CEP295: variants seen among roughly 807,000 people sequenced by gnomAD.
CEP295 encodes the protein centrosomal protein of 295 kDa.
CEP295 carries 190 observed loss-of-function variants against 291.6 expected under a neutral mutation model. The observed-to-expected ratio is 0.65, with a 90% confidence interval of 0.58 to 0.73. The LOEUF is 0.73. Among genes scored for constraint, CEP295 ranks in the 30% least tolerant of loss-of-function variants. The probability of loss-of-function intolerance (pLI) is 0.00; values close to 1 mark genes in which losing one functional copy is unlikely to be tolerated. For synonymous variants in CEP295, 993 were observed against 1,038.8 expected (o/e 0.96, Z 0.85); for missense variants, 2,863 against 2,949.4 (o/e 0.97, Z 0.68).
rs984065408 is a variant in CEP295 at position 93,695,637 on chromosome 11, A to G, written c.1671+3A>G. On this transcript the variant is annotated splice_donor_region_variant and intron_variant, in intron 13 of 29. Transcript: ENST00000325212. ...GAAAAAAAACTCAACCGACTGGGGT[A>G]GGATGCAGAAAATCTCATCACTACA... 4.7e-6 allele frequency: 7 copies of G among 1,488,348 alleles called. No homozygotes were observed. The highest frequency in any genetic ancestry group is 5.3e-5 in the East Asian group (2 of 37,608). The allele number at this position is 1,488,348 out of a possible 1,614,324, so 92.2% of individuals were successfully genotyped here.
chr11:93,722,031 T>C lies in CEP295; in HGVS notation c.5928T>C (p.Asp1976=). ...GCCTTTTAAGTTATGAAAACACAGA[T>C]TTGAGCCTTACAGATCCAGGTAATA... is the stretch of plus-strand genomic sequence containing the variant. ...TGSLLSYENT[D]LSLTDPESFS... is the part of the protein sequence containing the mutation. The change falls in exon 20 of 30, where the codon GAT becomes GAC. Residue 1976 remains aspartate (D), a synonymous_variant. Coordinates refer to ENST00000325212, the MANE Select transcript of CEP295 (RefSeq NM_033395.2). The C allele has an allele frequency of 6.4e-7, 1 of 1,555,592 alleles. No individual in the cohort carries two copies. The highest frequency in any genetic ancestry group is 1.9e-5 in the Admixed American group (1 of 51,408).
chr11:93,729,415 G>GC lies in CEP295; in HGVS notation c.7303-18dup. ...AAAGCGTTTAAAAAGAGTAAAACAT[G>GC]CAACTTTCTTGCCATTAGGTGAGTG... On this transcript the variant is annotated intron_variant, in intron 25 of 29. Transcript: ENST00000325212. The GC allele has an allele frequency of 2.7e-6, 4 of 1,505,734 alleles. No homozygotes were observed. The highest frequency in any genetic ancestry group is 3.6e-6 in the Non-Finnish European group (4 of 1,104,720). The allele number at this position is 1,505,734 out of a possible 1,614,324, so 93.3% of individuals were successfully genotyped here.
Position 93,729,528 on chromosome 11 carries a change from C to T in CEP295, c.7397C>T (p.Thr2466Ile), listed in dbSNP as rs1307934816. The part of the protein sequence containing the change: ...LSIEKPRTAS[T>I]ETPRRLTPVP... ...ATAGAAAAACCAAGGACAGCATCTA[C>T]AGGTAAGCCTTGGACGGCCTCCACA... The change falls in exon 26 of 30, where the codon ACA becomes ATA. Residue 2466 changes from threonine (T) to isoleucine (I), a missense_variant and splice_region_variant. Around this residue, in one of 3 missense-constraint regions of CEP295, gnomAD observed 2,295 missense variants for 2,335.7 expected, o/e 0.98. Transcript: ENST00000325212. 6.4e-7 allele frequency: 1 copy of T among 1,551,044 alleles called. No homozygotes were observed. Among genetic ancestry groups the T allele is most frequent in the South Asian group, 1.2e-5 (1 of 84,058 alleles).
Position 93,698,400 on chromosome 11 carries a change from T to G in CEP295, c.3488T>G (p.Leu1163Trp), listed in dbSNP as rs1437309349. The change falls in exon 15 of 30, where the codon TTG (leucine) becomes TGG (tryptophan). Residue 1163 changes from leucine to tryptophan, a missense_variant. This residue lies in a region of CEP295 where 2,295 missense variants were observed against 2,335.7 expected (regional missense o/e 0.98). Coordinates refer to ENST00000325212, the MANE Select transcript of CEP295 (RefSeq NM_033395.2). ...PQHSLAQQEN[L>W]TILQEQSQIQ... ...CATAGCCTGGCACAGCAAGAAAATT[T>G]GACAATACTCCAAGAACAGTCACAA... 1.3e-5 allele frequency: 20 copies of G among 1,552,068 alleles called. No homozygotes were observed. The South Asian group carries it at 2.0e-4, about 16-fold the overall frequency.
At chr11:93,706,675 T>TAA in intron 17 of CEP295, 70 bp from the exon 18 acceptor site, 1 of 1,322,718 alleles carries the variant, frequency 7.6e-7, no homozygotes, top group South Asian at 1.6e-5. Flanking sequence ...ACCCATAATA[T>TAA]AAATTGGCAC....
chr11:93,724,788 A>G (rs1052545266), intron 22 of CEP295, among the ~76,000 whole-genome samples: 3 of 152,132 alleles, frequency 2.0e-5, no homozygotes, highest in African/African-American at 4.8e-5. Flanking sequence ...ACAAACAAAC[A>G]AACAAAAAGA....
chr11:93,699,145 TGAATCTGAAA>T lies in CEP295; in HGVS notation c.4237_4246del (p.Ser1413ThrfsTer12). ...ATTCATTCGCCTCATTACCTCTTAA[TGAATCTGAAA>T]GAAACCAAGAACCATGTTCAATTAA... On this transcript the variant is annotated frameshift_variant, in exon 15 of 30. Coordinates refer to ENST00000325212, the MANE Select transcript of CEP295 (RefSeq NM_033395.2). LOFTEE classifies it high-confidence loss of function. The T allele has an allele frequency of 1.3e-6, 2 of 1,551,448 alleles. No individual in the cohort carries two copies. The highest frequency in any genetic ancestry group is 1.7e-6 in the Non-Finnish European group (2 of 1,147,076).
chr11:93,729,909 G>A lies in CEP295; in HGVS notation c.7607G>A (p.Arg2536Lys), dbSNP rs1591191503. ...CGTCTAAAGGGCGTGAATAAAGTCA[G>A]AGCATCTTTTCCTGAAGACAGAAAG... Reference protein sequence around the residue: ...VSRLKGVNKVRASFPEDRKTT... With the variant: ...VSRLKGVNKVKASFPEDRKTT... Residue 2536 changes from arginine to lysine, a missense_variant, in exon 28 of 30, where the codon AGA (arginine) becomes AAA (lysine). Physicochemically the swap from Arg to Lys is conservative, Grantham distance 26 (BLOSUM62 2). Around this residue, in one of 3 missense-constraint regions of CEP295, gnomAD observed 2,295 missense variants for 2,335.7 expected, o/e 0.98. Transcript: ENST00000325212. 1 of 1,549,862 alleles carries A rather than the reference G, an allele frequency of 6.5e-7. No individual in the cohort carries two copies. Among genetic ancestry groups the A allele is most frequent in the South Asian group, 1.2e-5 (1 of 83,684 alleles).
At chr11:93,666,632 C>T (rs1950219245) in intron 1 of CEP295, 50 bp from the exon 2 acceptor site, 1 of 707,664 alleles carries the variant, frequency 1.4e-6, no homozygotes, top group South Asian at 2.0e-5. Context: ...CTTTGCTGCC[C>T]TATTTTAATG....
Position 93,721,299 on chromosome 11 carries a change from A to G in CEP295, c.5750-13A>G, listed in dbSNP as rs1274622327. 6.6e-7 allele frequency: 1 copy of G among 1,519,010 alleles called. No individual in the cohort carries two copies. The highest frequency in any genetic ancestry group is 9.0e-7 in the Non-Finnish European group (1 of 1,116,562). 94.1% of individuals were successfully genotyped at this position (1,519,010 alleles called of 1,614,324 possible). Reference sequence around the variant, plus strand: ...TTTTTCTCCCATCTTGAACTCCAAAATCCATTTTTCAGTTAAGCTGAAGGA... The same window carrying G: ...TTTTTCTCCCATCTTGAACTCCAAAGTCCATTTTTCAGTTAAGCTGAAGGA... On this transcript the variant is annotated splice_polypyrimidine_tract_variant and intron_variant, in intron 18 of 29. Coordinates refer to ENST00000325212, the MANE Select transcript of CEP295 (RefSeq NM_033395.2).
chr11:93,710,817 G>A (rs1952843021), intron 18 of CEP295, among the ~76,000 whole-genome samples: 1 of 152,140 alleles, frequency 6.6e-6, no homozygotes, highest in African/African-American at 2.4e-5. Context: ...TCAGGTTTTG[G>A]ATTTCTTCAT....
intron 17 of CEP295, among the ~76,000 whole-genome samples, chr11:93,703,154 G>A (rs1427466424): frequency 1.3e-5 from 2 of 152,100 alleles, no homozygotes; most frequent in African/African-American, 2.4e-5. Context: ...AGTAGAGACA[G>A]GGTTTCACCA....
rs1004345097 is a variant in CEP295, at chr11:93,712,697, G to GT, written c.5749+5807dup. ...TGTAGGTAACAGATCATTGGATCTT[G>GT]TTTTTTTATCCATTCAGCCACACTA... On this transcript the variant is annotated intron_variant, in intron 18 of 29. Coordinates refer to ENST00000325212, the MANE Select transcript of CEP295 (RefSeq NM_033395.2). 9.9e-4 allele frequency among the ~76,000 whole-genome samples: 150 copies of GT among 152,102 alleles called. 1 individual carries two copies. Among genetic ancestry groups the GT allele is most frequent in the Middle Eastern group, 3.4e-3 (1 of 294 alleles).
intron 7 of CEP295, 52 bp downstream of exon 7, chr11:93,679,604 T>C: frequency 6.8e-7 from 1 of 1,475,876 alleles, no homozygotes; most frequent in Non-Finnish European, 9.2e-7. Flanking sequence ...ACTAATAGCA[T>C]TGCAGGACTG....
At chr11:93,696,538 T>C (rs1048589985) in intron 14 of CEP295, 121 bp downstream of exon 14, 1 of 1,019,882 alleles carries the variant, frequency 9.8e-7, no homozygotes, top group Non-Finnish European at 1.4e-6. Flanking sequence ...AGAACTGCCA[T>C]TCTTAAAGGA....
intron 12 of CEP295, among the ~76,000 whole-genome samples, chr11:93,693,724 C>T (rs190046565): frequency 3.3e-5 from 5 of 151,616 alleles, no homozygotes; most frequent in Admixed American, 2.0e-4. Context: ...CCACTGCATT[C>T]GCCTGGGCGA....
intron 9 of CEP295, among the ~76,000 whole-genome samples, chr11:93,684,404 G>A (rs1013160040): frequency 6.6e-5 from 10 of 152,300 alleles, no homozygotes; most frequent in African/African-American, 1.9e-4. Context: ...TAGAAAGGTT[G>A]CATGGTAAAC....
Position 93,727,018 on chromosome 11 carries a change from C to T in CEP295, c.6542C>T (p.Ser2181Leu), listed in dbSNP as rs1463756631. Residue 2181 changes from serine (S) to leucine (L), a missense_variant, in exon 24 of 30, where the codon TCA (serine) becomes TTA (leucine). Transcript: ENST00000325212. Reference protein sequence around the residue: ...CFEQLQPEYSSQEESQHADLP... With the variant: ...CFEQLQPEYSLQEESQHADLP... ...GAACAGCTTCAGCCAGAATATTCTT[C>T]ACAGGAGGAGAGCCAGCATGCTGAT... 3.2e-6 allele frequency: 5 copies of T among 1,545,274 alleles called. No individual in the cohort carries two copies. The Admixed American group carries it at 1.0e-4, about 31-fold the overall frequency.
At chr11:93,726,941 C>G in intron 23 of CEP295, 35 bp from the exon 24 acceptor site, 1 of 1,444,394 alleles carries the variant, frequency 6.9e-7, no homozygotes, top group Non-Finnish European at 9.2e-7. Flanking sequence ...CAACATGTAA[C>G]GATGATTAAC....
Sources: allele counts gnomAD v4.1 joint callset (sites outside exome capture counted in the v4.1 genomes callset), GRCh38; gene constraint gnomAD v4.1.1; regional missense constraint gnomAD v4.1.1; transcripts MANE v1.5; gene names NCBI Gene and HGNC (gene_info 2026-07-23, HGNC 2026-07-21).